The following ARMC10 variants were observed in gnomAD, a reference collection of about 807,000 sequenced individuals.
ARMC10 encodes the protein armadillo repeat-containing protein 10.
ARMC10 carries 23 observed loss-of-function variants against 30.2 expected under a neutral mutation model. The ratio of observed to expected loss-of-function variants is 0.76; its 90% confidence interval spans 0.55 to 1.08. The LOEUF is 1.08. ARMC10 is among the 50% of genes least tolerant of loss of function. The pLI, the probability that ARMC10 is intolerant of heterozygous loss-of-function variation, is 0.00. For synonymous variants in ARMC10, 111 were observed against 164.4 expected, an observed-to-expected ratio of 0.68 and a Z score of 2.48; for missense variants, 303 against 413.7, an observed-to-expected ratio of 0.73 and a Z score of 2.32.
Position 103,083,804 on chromosome 7 carries a change from A to C in ARMC10, c.367A>C (p.Asn123His), listed in dbSNP as rs962986025. 1.2e-6 allele frequency: 2 copies of C among 1,614,098 alleles called. No individual in the cohort carries two copies. Among genetic ancestry groups the C allele is most frequent in the Non-Finnish European group, 1.7e-6 (2 of 1,179,986 alleles). The change falls in exon 3 of 7, where the codon AAC (asparagine) becomes CAC (histidine). Residue 123 changes from asparagine to histidine, a missense_variant. This residue lies in a region of ARMC10 where 170 missense variants were observed against 207.2 expected (regional missense o/e 0.82). Transcript: ENST00000323716. ...TGAAAGAGCTTTGATTACTTTGGGTAACAATGCAGCCTTTTCAGTTAACCA... is the reference window on the plus strand; with the variant it reads ...TGAAAGAGCTTTGATTACTTTGGGTCACAATGCAGCCTTTTCAGTTAACCA... ...IIERALITLG[N>H]NAAFSVNQAI...
At chr7:103,093,438 C>G (rs1213935217) in intron 5 of ARMC10, among the ~76,000 whole-genome samples, 1 of 152,212 alleles carries the variant, frequency 6.6e-6, no homozygotes, top group Non-Finnish European at 1.5e-5. Flanking sequence ...ACAGGAGAGT[C>G]TTACTGTAGT....
intron 6 of ARMC10, 138 bp downstream of exon 6, chr7:103,097,486 C>T (rs1026237584): frequency 5.4e-6 from 3 of 551,392 alleles, no homozygotes; most frequent in Admixed American, 3.7e-5. Context: ...TTTTTAAATT[C>T]ATTTTGTATG....
chr7:103,098,743 T>G lies in ARMC10; in HGVS notation c.*190T>G. The G allele has an allele frequency of 1.4e-6, 1 of 710,092 alleles. No homozygotes were observed. Among genetic ancestry groups the G allele is most frequent in the African/African-American group, 1.8e-5 (1 of 56,070 alleles). 44.0% of individuals were successfully genotyped at this position (710,092 alleles called of 1,614,324 possible). ...TTGATGCCAAGTGAATATAAGAGCT[T>G]GTACTGAAACCATTTATTTCTTTCT... is the stretch of plus-strand genomic sequence containing the variant. On this transcript the variant is annotated 3_prime_UTR_variant, in exon 7 of 7. Coordinates refer to ENST00000323716, the MANE Select transcript of ARMC10 (RefSeq NM_031905.5).
intron 4 of ARMC10, among the ~76,000 whole-genome samples, chr7:103,090,210 T>C (rs951387891): frequency 4.6e-5 from 7 of 152,194 alleles, no homozygotes; most frequent in African/African-American, 1.4e-4. Context: ...GATTCAGATA[T>C]AATAAGGATG....
intron 2 of ARMC10, among the ~76,000 whole-genome samples, chr7:103,082,762 G>C (rs1401389176): frequency 1.3e-5 from 2 of 151,732 alleles, no homozygotes; most frequent in Admixed American, 6.6e-5. Flanking sequence ...AATGGCTTCT[G>C]TTCTTCCTGT....
At chr7:103,085,393 G>A (rs886280809) in intron 3 of ARMC10, among the ~76,000 whole-genome samples, 11 of 152,134 alleles carry the variant, frequency 7.2e-5, no homozygotes, top group Admixed American at 1.3e-4. Context: ...CTATTTCTAA[G>A]AAGTAGATTT....
intron 2 of ARMC10, among the ~76,000 whole-genome samples, chr7:103,076,973 TCA>T (rs1281327387): frequency 6.6e-6 from 1 of 152,170 alleles, no homozygotes; most frequent in Non-Finnish European, 1.5e-5. Flanking sequence ...AGCGGCGCAA[TCA>T]CAGCTGCAGC....
chr7:103,078,102 T>A (rs993806048), intron 2 of ARMC10, among the ~76,000 whole-genome samples: 2 of 152,092 alleles, frequency 1.3e-5, no homozygotes, highest in African/African-American at 4.8e-5. Context: ...TTCAAGCGAT[T>A]CTCTTGCCTC....
chr7:103,096,651 C>T (rs1282622178), intron 5 of ARMC10: 1 of 152,772 alleles, frequency 6.5e-6, no homozygotes, highest in Non-Finnish European at 1.5e-5. Context: ...TTCACAGGCA[C>T]AATCATAGCT....
chr7:103,080,297 C>T (rs866387991), intron 2 of ARMC10, among the ~76,000 whole-genome samples: 44 of 152,324 alleles, frequency 2.9e-4, no homozygotes, highest in African/African-American at 1.0e-3. Flanking sequence ...CTCTGTCGCC[C>T]AGGCTGGAGT....
intron 5 of ARMC10, chr7:103,095,701 T>C (rs1488878612): frequency 6.6e-6 from 1 of 152,118 alleles, no homozygotes; most frequent in East Asian, 1.9e-4. Context: ...CCAACAATGA[T>C]AGACTGGATT....
chr7:103,096,655 C>A, intron 5 of ARMC10: 1 of 152,914 alleles, frequency 6.5e-6, no homozygotes, highest in South Asian at 1.9e-4. Flanking sequence ...CAGGCACAAT[C>A]ATAGCTTACT....
Position 103,097,300 on chromosome 7 carries a change from G to C in ARMC10, c.729G>C (p.Leu243Phe). ...NTKVQVLKLL[L>F]NLSENPAMTE... ...AGGTGCAAGTTTTGAAACTGCTTTTGAATTTGTCTGAAAATCCAGCCATGA... is the reference window on the plus strand; with the variant it reads ...AGGTGCAAGTTTTGAAACTGCTTTTCAATTTGTCTGAAAATCCAGCCATGA... Residue 243 changes from leucine to phenylalanine, a missense_variant, in exon 6 of 7, where the codon TTG (leucine) becomes TTC (phenylalanine). Leu to Phe is a conservative substitution (Grantham distance 22, BLOSUM62 0). Around this residue, in one of 4 missense-constraint regions of ARMC10, gnomAD observed 170 missense variants for 207.2 expected, o/e 0.82. Transcript: ENST00000323716. 1 of 1,613,862 alleles carries C rather than the reference G, an allele frequency of 6.2e-7. No individual in the cohort carries two copies.
intron 4 of ARMC10, chr7:103,088,606 A>T (rs2298856): frequency 0.11 from 18,620 of 168,666 alleles, 1,264 homozygotes; most frequent in East Asian, 0.3. Context: ...TAAACAAAAG[A>T]TTGTGTAAGT....
At chr7:103,076,119 C>T (rs1799777457) in intron 2 of ARMC10, among the ~76,000 whole-genome samples, 1 of 152,242 alleles carries the variant, frequency 6.6e-6, no homozygotes, top group African/African-American at 2.4e-5. Flanking sequence ...TAAGCACAAA[C>T]TAAATTGCCT....
chr7:103,082,079 A>G (rs540670624), intron 2 of ARMC10, among the ~76,000 whole-genome samples: 1 of 152,006 alleles, frequency 6.6e-6, no homozygotes, highest in East Asian at 1.9e-4. Flanking sequence ...TTGTGTTTTT[A>G]TCATTCTTTC....
At chr7:103,077,221 G>A (rs891691072) in intron 2 of ARMC10, among the ~76,000 whole-genome samples, 2 of 151,944 alleles carry the variant, frequency 1.3e-5, no homozygotes, top group South Asian at 2.1e-4. Flanking sequence ...AAGTTTGCAC[G>A]AGGGAATGCT....
intron 6 of ARMC10, 122 bp downstream of exon 6, chr7:103,097,470 G>T: frequency 3.1e-6 from 2 of 637,084 alleles, no homozygotes; most frequent in South Asian, 7.7e-5. Flanking sequence ...CAGTATTAAA[G>T]GTGGTTTTTT....
intron 4 of ARMC10, chr7:103,089,655 G>C (rs1366340729): frequency 6.6e-6 from 1 of 152,316 alleles, no homozygotes; most frequent in East Asian, 1.9e-4. Flanking sequence ...AAATCTGCAA[G>C]GGCTCCTTCA....
Sources: gnomAD v4.1 joint callset for allele counts (sites outside exome capture counted in the v4.1 genomes callset) on GRCh38, gnomAD v4.1.1 for gene constraint, gnomAD v4.1.1 regional missense constraint, MANE v1.5 for transcripts, NCBI Gene and HGNC (gene_info 2026-07-23, HGNC 2026-07-21) for gene names.